Variants in GOLM1 observed in about 807,000 individuals in gnomAD.
The protein encoded by GOLM1 is golgi membrane protein 1, also known as epididymis luminal protein 46.
In GOLM1, 31 loss-of-function variants were observed where a neutral mutation model predicts 50.5. The observed-to-expected ratio is 0.61, with a 90% CI of 0.46 to 0.83. The LOEUF (loss-of-function observed/expected upper bound fraction) is 0.83, where lower values mean the gene tolerates loss of function less well. GOLM1 is among the 40% of genes least tolerant of loss of function. The pLI, the probability that GOLM1 is intolerant of heterozygous loss-of-function variation, is 0.00. For synonymous variants in GOLM1, 178 were observed against 192.8 expected (o/e 0.92, Z 0.64); for missense variants, 491 against 501.3 (o/e 0.98, Z 0.20).
chr9:86,033,416 A>G (rs1237037377), intron 8 of GOLM1, 21 bp from the exon 9 acceptor site: 2 of 1,359,548 alleles, frequency 1.5e-6, no homozygotes, highest in African/African-American at 1.4e-5. Flanking sequence ...AGCACATAAA[A>G]CATAAGCTAC....
chr9:86,043,693 A>G (rs577552295), intron 5 of GOLM1, among the ~76,000 whole-genome samples: 18 of 152,318 alleles, frequency 1.2e-4, no homozygotes, highest in African/African-American at 4.3e-4. Flanking sequence ...TCAGCCAGAA[A>G]GAGCTTTCAA....
rs188325037 is a variant in GOLM1, at chr9:86,026,901, C to T, written c.*916G>A. 1.5e-5 allele frequency: 15 copies of T among 984,450 alleles called. No individual in the cohort carries two copies. The highest frequency in any genetic ancestry group is 6.1e-5 in the Admixed American group (1 of 16,272). The allele number at this position is 984,450 out of a possible 1,614,324, so 61.0% of individuals were successfully genotyped here. A position where few individuals can be genotyped will look rare whatever the true frequency, so the allele number is the denominator to read the frequency against. Reference sequence around the variant, plus strand: ...AATTTCTAACACTGTATATATCCTTCGACATCAATGAACTTTGTTTTCTTT... The same window carrying T: ...AATTTCTAACACTGTATATATCCTTTGACATCAATGAACTTTGTTTTCTTT... On this transcript the variant is annotated 3_prime_UTR_variant, in exon 10 of 10. Transcript: ENST00000388712.
At chr9:86,081,213 T>TTTA (rs1834773556) in intron 1 of GOLM1, among the ~76,000 whole-genome samples, 1 of 113,882 alleles carries the variant, frequency 8.8e-6, no homozygotes, top group African/African-American at 3.1e-5. Context: ...TTTTTTTTTT[T>TTTA]GAGACGGAGT....
chr9:86,038,495 G>T (rs61579964), intron 6 of GOLM1, among the ~76,000 whole-genome samples: 2 of 152,092 alleles, frequency 1.3e-5, no homozygotes, highest in African/African-American at 4.8e-5. Flanking sequence ...CGTGGGAGAA[G>T]GAAGCTACTC....
intron 5 of GOLM1, among the ~76,000 whole-genome samples, chr9:86,043,092 C>A (rs1422230366): frequency 6.6e-6 from 1 of 152,196 alleles, no homozygotes; most frequent in Non-Finnish European, 1.5e-5. Flanking sequence ...GTGATCCCAT[C>A]ACCCAGGGCA....
intron 1 of GOLM1, among the ~76,000 whole-genome samples, chr9:86,097,426 GA>G (rs1835383937): frequency 6.6e-6 from 1 of 151,950 alleles, no homozygotes; most frequent in Non-Finnish European, 1.5e-5. Flanking sequence ...CACTGAAAAA[GA>G]AATGTATCTT....
chr9:86,054,407 A>G (rs1190347624), intron 3 of GOLM1, among the ~76,000 whole-genome samples: 3 of 152,010 alleles, frequency 2.0e-5, no homozygotes, highest in African/African-American at 7.2e-5. Flanking sequence ...AGCTGGGAGT[A>G]GAGATGGGGT....
At position 86,077,591 on chromosome 9, in the gene GOLM1, T is replaced by C. The variant is rs146730343; in HGVS notation, c.130A>G (p.Thr44Ala). ...CTGCCTTCCAGCTCCATGATCCGTG[T>C]CTACAAGGAGACCGTGGCATTAGGG... Reference protein sequence around the residue: ...IASSRSVDLQTRIMELEGRVR... With the variant: ...IASSRSVDLQARIMELEGRVR... The change falls in exon 3 of 10, where the codon ACA becomes GCA. Residue 44 changes from threonine (T) to alanine (A), a missense_variant and splice_region_variant. Physicochemically the swap from Thr to Ala is moderately conservative, Grantham distance 58. Coordinates refer to ENST00000388712, the MANE Select transcript of GOLM1 (RefSeq NM_016548.4). The C allele has an allele frequency of 8.3e-4, 1,334 of 1,611,998 alleles. 1 individual carries two copies. The highest frequency in any genetic ancestry group is 1.1e-3 in the Non-Finnish European group (1,288 of 1,178,406).
At chr9:86,028,091 T>C (rs556159556) in intron 9 of GOLM1, among the ~76,000 whole-genome samples, 198 bp from the exon 10 acceptor site, 396 of 151,998 alleles carry the variant, frequency 2.6e-3, no homozygotes, top group Non-Finnish European at 4.9e-3. Context: ...AGGGAAGTGC[T>C]GGGTAGAGAA....
chr9:86,031,230 C>T (rs1832970430), intron 9 of GOLM1, among the ~76,000 whole-genome samples: 1 of 151,560 alleles, frequency 6.6e-6, no homozygotes, highest in Admixed American at 6.6e-5. Context: ...AAAAAAAGGG[C>T]ATCGGCAGGA....
intron 1 of GOLM1, among the ~76,000 whole-genome samples, chr9:86,090,303 G>A (rs1424472387): frequency 1.3e-5 from 2 of 152,200 alleles, no homozygotes; most frequent in Non-Finnish European, 2.9e-5. Context: ...TCTCTTCAGA[G>A]CTGGCAGGCA....
intron 4 of GOLM1, among the ~76,000 whole-genome samples, chr9:86,048,309 T>C (rs1413983770): frequency 6.7e-6 from 1 of 148,450 alleles, no homozygotes; most frequent in African/African-American, 2.6e-5. Context: ...GTCTTTACTA[T>C]TGTGAATAGT....
intron 5 of GOLM1, among the ~76,000 whole-genome samples, chr9:86,043,633 AC>A (rs1833434457): frequency 6.6e-6 from 1 of 152,226 alleles, no homozygotes; most frequent in African/African-American, 2.4e-5. Flanking sequence ...CCTGGGAAGC[AC>A]TGCATATCTG....
At position 86,035,374 on chromosome 9, in the gene GOLM1, C is replaced by T. The variant is rs752183164; in HGVS notation, c.1009G>A (p.Gly337Arg). The change falls in exon 8 of 10, where the codon GGG (glycine) becomes AGG (arginine). Residue 337 changes from glycine (G) to arginine (R), a missense_variant. By Grantham distance (125) the Gly-to-Arg change is moderately radical. Transcript: ENST00000388712. The stretch of plus-strand genomic sequence containing the variant: ...CCCGAAACTTCACACCCACCTTCCC[C>T]GGCAGCTTCCTGCTCCTCCTCCTGT... ...DGQEEEQEAAGEGRNQQKLRG... is the reference protein window; with the variant it reads ...DGQEEEQEAAREGRNQQKLRG... The T allele has an allele frequency of 2.5e-5, 40 of 1,613,262 alleles. No individual in the cohort carries two copies. Among genetic ancestry groups the T allele is most frequent in the African/African-American group, 4.0e-5 (3 of 74,888 alleles).
intron 3 of GOLM1, among the ~76,000 whole-genome samples, chr9:86,066,225 C>T (rs1462028496): frequency 2.0e-5 from 3 of 152,116 alleles, no homozygotes. Flanking sequence ...CACTCAAGAA[C>T]GCACTCCATG....
At chr9:86,037,844 G>A (rs1234130189) in intron 6 of GOLM1, among the ~76,000 whole-genome samples, 2 of 152,114 alleles carry the variant, frequency 1.3e-5, no homozygotes, top group Non-Finnish European at 1.5e-5. Flanking sequence ...GCTCAGTGTG[G>A]ATGAGTCTGA....
intron 8 of GOLM1, 29 bp from the exon 9 acceptor site, chr9:86,033,424 T>C: frequency 2.2e-6 from 3 of 1,340,588 alleles, no homozygotes; most frequent in Non-Finnish European, 3.2e-6. Flanking sequence ...AAACATAAGC[T>C]ACATCATTTC....
At chr9:86,044,146 G>T (rs534751973) in intron 5 of GOLM1, among the ~76,000 whole-genome samples, 1 of 152,328 alleles carries the variant, frequency 6.6e-6, no homozygotes, top group East Asian at 1.9e-4. Flanking sequence ...CTAGATGCCA[G>T]TAGCAGCCTC....
chr9:86,040,886 A>G lies in GOLM1; in HGVS notation c.468-18T>C, dbSNP rs1833322572. The G allele has an allele frequency of 1.2e-6, 2 of 1,612,676 alleles. No homozygotes were observed. The highest frequency in any genetic ancestry group is 8.5e-7 in the Non-Finnish European group (1 of 1,179,328). On this transcript the variant is annotated intron_variant, in intron 5 of 9. Coordinates refer to ENST00000388712, the MANE Select transcript of GOLM1 (RefSeq NM_016548.4). Reference sequence around the variant, plus strand: ...ACTGGCTCCTTTGGTGAAAGAAAGCAAAGGAAGGGCCTGACGTCTATGACT... The same window carrying G: ...ACTGGCTCCTTTGGTGAAAGAAAGCGAAGGAAGGGCCTGACGTCTATGACT...
Sources: allele counts gnomAD v4.1 joint callset (sites outside exome capture counted in the v4.1 genomes callset), GRCh38; gene constraint gnomAD v4.1.1; transcripts MANE v1.5; gene names NCBI Gene and HGNC (gene_info 2026-07-23, HGNC 2026-07-21).